The following SMG7 variants were observed in gnomAD, a reference collection of about 807,000 sequenced individuals.
SMG7 encodes the protein SMG7 nonsense mediated mRNA decay factor.
SMG7 carries 34 observed loss-of-function variants against 148.2 expected under a neutral mutation model. The observed-to-expected ratio is 0.23, with a 90% CI of 0.17 to 0.31. SMG7 has a LOEUF of 0.31. Ranked by LOEUF, SMG7 falls within the 10% of genes least tolerant of loss-of-function variation. The pLI, the probability that SMG7 is intolerant of heterozygous loss-of-function variation, is 1.00. For synonymous variants in SMG7, 492 were observed against 515.1 expected, an observed-to-expected ratio of 0.96 and a Z score of 0.61; for missense variants, 1,114 against 1,408.4, an observed-to-expected ratio of 0.79 and a Z score of 3.35.
chr1:183,511,088 G>C (rs996913982), intron 1 of SMG7, among the ~76,000 whole-genome samples: 1 of 151,900 alleles, frequency 6.6e-6, no homozygotes, highest in East Asian at 1.9e-4. Context: ...CTTGAGCCCA[G>C]GAGTTGAAGA....
At chr1:183,514,084 T>C (rs530717903) in intron 2 of SMG7, among the ~76,000 whole-genome samples, 1 of 147,404 alleles carries the variant, frequency 6.8e-6, no homozygotes, top group African/African-American at 2.5e-5. Flanking sequence ...TTAGGAAATA[T>C]GTTGTAATCA....
At chr1:183,510,741 CA>C (rs1661924960) in intron 1 of SMG7, among the ~76,000 whole-genome samples, 1 of 151,682 alleles carries the variant, frequency 6.6e-6, no homozygotes, top group South Asian at 2.1e-4. Context: ...TGGCAAAAAC[CA>C]TGATTACTTT....
intron 1 of SMG7, chr1:183,502,220 T>C: frequency 7.2e-7 from 1 of 1,382,438 alleles, no homozygotes; most frequent in Non-Finnish European, 9.5e-7. Context: ...TTATTGTGGG[T>C]TAACTCATAT....
intron 1 of SMG7, among the ~76,000 whole-genome samples, chr1:183,494,089 G>A (rs1458206369): frequency 1.3e-5 from 2 of 152,090 alleles, no homozygotes; most frequent in Non-Finnish European, 1.5e-5. Flanking sequence ...CTGGGCTCAA[G>A]CAATCCTCCC....
chr1:183,478,582 C>T (rs1319306886), intron 1 of SMG7, among the ~76,000 whole-genome samples: 1 of 152,094 alleles, frequency 6.6e-6, no homozygotes, highest in African/African-American at 2.4e-5. Flanking sequence ...GAAGCAATTG[C>T]TGAGTTTTAT....
At chr1:183,526,343 G>A (rs988648589) in intron 4 of SMG7, among the ~76,000 whole-genome samples, 3 of 151,532 alleles carry the variant, frequency 2.0e-5, no homozygotes, top group Admixed American at 6.6e-5. Flanking sequence ...TAGTAGAGAC[G>A]GGGTTTCATC....
In SMG7 at chr1:183,545,965, G is replaced by C; in HGVS notation, c.2371-1G>C. 2.5e-6 allele frequency: 4 copies of C among 1,574,744 alleles called. No homozygotes were observed. Among genetic ancestry groups the C allele is most frequent in the Non-Finnish European group, 3.4e-6 (4 of 1,165,646 alleles). ...CTTTATGACAGGCGTCTCTTTTTTA[G>C]TATCAACAGGCAGATGCCTCCAAAC... On this transcript the variant is annotated splice_acceptor_variant, in intron 16 of 22. Transcript: ENST00000688051. LOFTEE classifies it high-confidence loss of function.
In SMG7 at chr1:183,553,871, C is replaced by CT. The variant is rs1016192368; in HGVS notation, c.*1942dup. On this transcript the variant is annotated 3_prime_UTR_variant, in exon 23 of 23. Coordinates refer to ENST00000688051, the MANE Select transcript of SMG7 (RefSeq NM_001375584.1). ...TCCAGTGTTTGAACTGTCACTGATTCTTGCGCCCTAGACAAGCTAACCAGG... is the reference window on the plus strand; with the variant it reads ...TCCAGTGTTTGAACTGTCACTGATTCTTTGCGCCCTAGACAAGCTAACCAGG... 1 of 152,680 alleles carries CT rather than the reference C, an allele frequency of 6.5e-6. No individual in the cohort carries two copies. Among genetic ancestry groups the CT allele is most frequent in the African/African-American group, 2.4e-5 (1 of 41,442 alleles). 9.5% of individuals were successfully genotyped at this position (152,680 alleles called of 1,614,324 possible). A position where few individuals can be genotyped will look rare whatever the true frequency, so the allele number is the denominator to read the frequency against.
At position 183,546,029 on chromosome 1, in the gene SMG7, A is replaced by G; in HGVS notation, c.2434A>G (p.Lys812Glu). The change falls in exon 17 of 23, where the codon AAA becomes GAA. Residue 812 changes from lysine to glutamate, a missense_variant. Coordinates refer to ENST00000688051, the MANE Select transcript of SMG7 (RefSeq NM_001375584.1). ...NPPQVQGPLGKIMPVKQPYYL... is the reference protein window; with the variant it reads ...NPPQVQGPLGEIMPVKQPYYL... Reference sequence around the variant, plus strand: ...CCCTCAGGTTCAAGGCCCATTAGGGAAAATTATGCCTGTGAAACAGCCCTA... The same window carrying G: ...CCCTCAGGTTCAAGGCCCATTAGGGGAAATTATGCCTGTGAAACAGCCCTA... The G allele has an allele frequency of 6.2e-7, 1 of 1,613,966 alleles. No homozygotes were observed. The highest frequency in any genetic ancestry group is 1.1e-5 in the South Asian group (1 of 91,054).
In SMG7 at chr1:183,473,659, T is replaced by TG. The variant is rs569751163; in HGVS notation, c.29+1014dup. On this transcript the variant is annotated intron_variant, in intron 1 of 22. Transcript: ENST00000688051. ...AAGGTTGTTAGATCCTGAAATTAAC[T>TG]GGGGAGTGACTACTGCTTAGAAAAG... 211 of 759,994 alleles carry TG rather than the reference T, an allele frequency of 2.8e-4. 4 individuals are homozygous for TG. In the East Asian group the frequency reaches 0.018, roughly 65 times the overall value. The allele number at this position is 759,994 out of a possible 1,614,324, so 47.1% of individuals were successfully genotyped here.
chr1:183,546,281 C>T lies in SMG7; in HGVS notation c.2686C>T (p.Arg896Trp), dbSNP rs758942690. Residue 896 changes from arginine (R) to tryptophan (W), a missense_variant, in exon 17 of 23, where the codon CGG becomes TGG. Arg to Trp is a moderately radical substitution (Grantham distance 101). This residue lies in a region of SMG7 where 788 missense variants were observed against 894.5 expected (regional missense o/e 0.88). Transcript: ENST00000688051. Reference sequence around the variant, plus strand: ...AGCAAACATAGACCGCAGGGGCAAACGGTCACCAGGAGTCTTCCGTCCAGA... The same window carrying T: ...AGCAAACATAGACCGCAGGGGCAAATGGTCACCAGGAGTCTTCCGTCCAGA... ...QQANIDRRGKRSPGVFRPEQD... is the reference protein window; with the variant it reads ...QQANIDRRGKWSPGVFRPEQD... 15 of 1,613,860 alleles carry T rather than the reference C, an allele frequency of 9.3e-6. No homozygotes were observed. The highest frequency in any genetic ancestry group is 2.2e-5 in the South Asian group (2 of 91,086).
In SMG7 at chr1:183,552,139, C is replaced by G. The variant is rs1431937962; in HGVS notation, c.*208C>G. 4 of 1,256,154 alleles carry G rather than the reference C, an allele frequency of 3.2e-6. No homozygotes were observed. The East Asian group carries it at 1.3e-4, about 41-fold the overall frequency. 77.8% of individuals were successfully genotyped at this position (1,256,154 alleles called of 1,614,324 possible). On this transcript the variant is annotated 3_prime_UTR_variant, in exon 23 of 23. Coordinates refer to ENST00000688051, the MANE Select transcript of SMG7 (RefSeq NM_001375584.1). ...AAATCCATCAGGAACTCTCCGTCCC[C>G]CCGGGGCCCTCCGGAGGGAGAGAGA...
chr1:183,500,995 C>T (rs536110956), intron 1 of SMG7: 34 of 152,190 alleles, frequency 2.2e-4, no homozygotes, highest in Admixed American at 2.2e-3. Flanking sequence ...ATAGACCTGC[C>T]ACATATTTGA....
chr1:183,496,397 T>G (rs1447255287), intron 1 of SMG7, among the ~76,000 whole-genome samples: 2 of 152,180 alleles, frequency 1.3e-5, no homozygotes, highest in East Asian at 3.8e-4. Flanking sequence ...TGTTATGTAT[T>G]CCATCTTAAA....
intron 4 of SMG7, among the ~76,000 whole-genome samples, chr1:183,519,576 A>G (rs1664299067): frequency 1.3e-5 from 2 of 152,038 alleles, no homozygotes; most frequent in Admixed American, 1.3e-4. Context: ...TAGTAAGTAT[A>G]TTTGTTTTCT....
chr1:183,528,834 T>C, intron 6 of SMG7, 58 bp from the exon 7 acceptor site: 1 of 1,429,148 alleles, frequency 7.0e-7, no homozygotes. Context: ...ATTTGTATTC[T>C]TATAGCAAGA....
At chr1:183,532,333 G>T (rs1384835462) in intron 8 of SMG7, among the ~76,000 whole-genome samples, 1 of 152,184 alleles carries the variant, frequency 6.6e-6, no homozygotes, top group African/African-American at 2.4e-5. Flanking sequence ...TATGGCTAAA[G>T]TGTAGGATGA....
intron 12 of SMG7, 119 bp from the exon 13 acceptor site, chr1:183,540,865 A>G: frequency 2.6e-6 from 2 of 774,872 alleles, no homozygotes; most frequent in Admixed American, 2.8e-5. Flanking sequence ...GATTACATCA[A>G]GTAGCTAACC....
intron 1 of SMG7, among the ~76,000 whole-genome samples, chr1:183,512,488 T>C (rs7550335): frequency 6.6e-6 from 1 of 152,116 alleles, no homozygotes; most frequent in Non-Finnish European, 1.5e-5. Flanking sequence ...ACATAGTAGG[T>C]TTTTTTGGCA....
Sources: gnomAD v4.1 joint callset for allele counts (sites outside exome capture counted in the v4.1 genomes callset) on GRCh38, gnomAD v4.1.1 for gene constraint, gnomAD v4.1.1 regional missense constraint, MANE v1.5 for transcripts, NCBI Gene and HGNC (gene_info 2026-07-23, HGNC 2026-07-21) for gene names.